Variants in UNC13C observed in about 807,000 individuals in gnomAD.
UNC13C encodes the protein unc-13 homolog C.
UNC13C carries 174 observed loss-of-function variants against 245.4 expected under a neutral mutation model. That is an observed-to-expected ratio of 0.71 (90% CI 0.63 to 0.80). The LOEUF (loss-of-function observed/expected upper bound fraction) is 0.80. Ranked by LOEUF, UNC13C falls within the 30% of genes least tolerant of loss-of-function variation. UNC13C has a pLI of 0.00. For synonymous variants in UNC13C, 992 were observed against 895.1 expected (o/e 1.11, Z -1.93); for missense variants, 2,829 against 2,602.9 (o/e 1.09, Z -1.89).
At chr15:54,215,346 A>G (rs1318423013) in intron 4 of UNC13C, among the ~76,000 whole-genome samples, 1 of 151,934 alleles carries the variant, frequency 6.6e-6, no homozygotes, top group Non-Finnish European at 1.5e-5. Flanking sequence ...AATATTTTTC[A>G]TTACTGGAAA....
At chr15:54,154,486 A>G (rs987890562) in intron 4 of UNC13C, among the ~76,000 whole-genome samples, 1 of 152,200 alleles carries the variant, frequency 6.6e-6, no homozygotes, top group Admixed American at 6.5e-5. Flanking sequence ...GAAACTAACA[A>G]GATGGAGTAT....
chr15:53,892,214 T>C, the UNC13C span, among the ~76,000 whole-genome samples: 7 of 152,358 alleles, frequency 4.6e-5, no homozygotes, highest in Admixed American at 2.6e-4. Context: ...CCCGCTCTCC[T>C]CTGGCTTGTA....
chr15:53,885,467 G>C, the UNC13C span, among the ~76,000 whole-genome samples: 1 of 152,120 alleles, frequency 6.6e-6, no homozygotes, highest in Non-Finnish European at 1.5e-5. Context: ...CAACAGACAG[G>C]CCTTACTGCA....
At chr15:54,347,855 T>C (rs1187482236) in intron 17 of UNC13C, among the ~76,000 whole-genome samples, 3 of 152,196 alleles carry the variant, frequency 2.0e-5, no homozygotes, top group Admixed American at 2.0e-4. Flanking sequence ...AGGAAATCTC[T>C]GTTATGAATT....
At position 54,220,927 on chromosome 15, in the gene UNC13C, A is replaced by G. The variant is rs182057529; in HGVS notation, c.3072-14103A>G. ...TTTGCTACTTGGGATGAAAAAGACA[A>G]TAATGGTGTATTATTTTATGTAATA... is the stretch of plus-strand genomic sequence containing the variant. On this transcript the variant is annotated intron_variant, in intron 4 of 32. Transcript: ENST00000260323. Among the ~76,000 whole-genome samples, 6 of 152,136 alleles carry G rather than the reference A, an allele frequency of 3.9e-5. No homozygotes were observed. The South Asian group carries it at 8.3e-4, about 21-fold the overall frequency.
At chr15:54,201,424 T>C (rs914205997) in intron 4 of UNC13C, among the ~76,000 whole-genome samples, 1 of 151,562 alleles carries the variant, frequency 6.6e-6, no homozygotes, top group Non-Finnish European at 1.5e-5. Context: ...AACAAAATAA[T>C]AGGGAATAAA....
intron 30 of UNC13C, among the ~76,000 whole-genome samples, chr15:54,586,219 G>A (rs1202276462): frequency 6.6e-6 from 1 of 152,156 alleles, no homozygotes; most frequent in Non-Finnish European, 1.5e-5. Context: ...CTAAGAAAAG[G>A]ATGTTTCTTT....
At chr15:54,294,809 G>A (rs1162630565) in intron 11 of UNC13C, among the ~76,000 whole-genome samples, 1 of 152,058 alleles carries the variant, frequency 6.6e-6, no homozygotes, top group Non-Finnish European at 1.5e-5. Context: ...TTAAAGAGTT[G>A]ACACATTCCT....
At chr15:53,870,724 A>G in the UNC13C span, among the ~76,000 whole-genome samples, 105 of 152,322 alleles carry the variant, frequency 6.9e-4, no homozygotes, top group African/African-American at 2.5e-3. Context: ...CCCTCTAAAA[A>G]GAGGGTCTTA....
intron 17 of UNC13C, among the ~76,000 whole-genome samples, chr15:54,382,577 A>G (rs2039749988): frequency 1.3e-5 from 2 of 152,104 alleles, no homozygotes; most frequent in Admixed American, 6.6e-5. Flanking sequence ...ACCCTATCCC[A>G]AAAACAAACA....
chr15:54,492,203 A>G (rs2141084133), intron 19 of UNC13C, among the ~76,000 whole-genome samples: 1 of 152,268 alleles, frequency 6.6e-6, no homozygotes, highest in South Asian at 2.1e-4. Flanking sequence ...TTCAATTTAA[A>G]CTTTCAAATA....
the UNC13C span, among the ~76,000 whole-genome samples, chr15:53,848,299 C>T: frequency 1.3e-5 from 2 of 151,948 alleles, no homozygotes; most frequent in East Asian, 1.9e-4. Context: ...TTATTGCTTT[C>T]GTCTATAGCT....
At chr15:54,100,247 CTTCT>C (rs1230576946) in intron 2 of UNC13C, among the ~76,000 whole-genome samples, 1 of 151,784 alleles carries the variant, frequency 6.6e-6, no homozygotes, top group Non-Finnish European at 1.5e-5. Context: ...TTTAAATTTA[CTTCT>C]TTGAGAGTTT....
At chr15:54,230,664 T>A (rs2035526020) in intron 4 of UNC13C, among the ~76,000 whole-genome samples, 1 of 152,056 alleles carries the variant, frequency 6.6e-6, no homozygotes, top group African/African-American at 2.4e-5. Flanking sequence ...TTCAGTAAAC[T>A]CATTTTAATA....
chr15:54,073,123 C>T (rs1473444283), intron 2 of UNC13C, among the ~76,000 whole-genome samples: 2 of 151,984 alleles, frequency 1.3e-5, no homozygotes, highest in African/African-American at 4.8e-5. Context: ...TAAGTGAGAA[C>T]ATGTGGTGTT....
chr15:54,291,167 A>G (rs1047368537), intron 10 of UNC13C, among the ~76,000 whole-genome samples: 5 of 151,992 alleles, frequency 3.3e-5, no homozygotes, highest in Admixed American at 1.3e-4. Context: ...TATCATCCAA[A>G]TATGCTTGCT....
At chr15:54,362,284 C>T (rs1461849201) in intron 17 of UNC13C, among the ~76,000 whole-genome samples, 1 of 152,182 alleles carries the variant, frequency 6.6e-6, no homozygotes, top group Non-Finnish European at 1.5e-5. Context: ...GATTGAATAT[C>T]CACCTCCAAC....
intron 17 of UNC13C, among the ~76,000 whole-genome samples, chr15:54,350,026 C>T (rs1052367972): frequency 6.6e-6 from 1 of 151,594 alleles, no homozygotes. Flanking sequence ...CTCACTGTGT[C>T]GCCCAGGCTG....
chr15:53,917,507 A>C, the UNC13C span, among the ~76,000 whole-genome samples: 1 of 152,254 alleles, frequency 6.6e-6, no homozygotes, highest in Non-Finnish European at 1.5e-5. Flanking sequence ...CATTTGCCTG[A>C]ACACAGGCTT....
Sources: gnomAD v4.1 joint callset for allele counts (sites outside exome capture counted in the v4.1 genomes callset) on GRCh38, gnomAD v4.1.1 for gene constraint, MANE v1.5 for transcripts, NCBI Gene and HGNC (gene_info 2026-07-23, HGNC 2026-07-21) for gene names.